Variants in SEPTIN9 observed in about 807,000 individuals in gnomAD.
The protein encoded by SEPTIN9 is septin 9.
Under a neutral mutation model 56.6 loss-of-function variants are expected in SEPTIN9, and 13 were observed. The ratio of observed to expected loss-of-function variants is 0.23; its 90% CI spans 0.15 to 0.37. The LOEUF is 0.37. SEPTIN9 is among the 10% of genes least tolerant of loss of function. The pLI is 1.00. For synonymous variants in SEPTIN9, 332 were observed against 334.1 expected, an observed-to-expected ratio of 0.99 and a Z score of 0.07; for missense variants, 650 against 823.1, an observed-to-expected ratio of 0.79 and a Z score of 2.57.
intron 3 of SEPTIN9, among the ~76,000 whole-genome samples, chr17:77,474,997 C>T (rs1197420757): frequency 6.6e-6 from 1 of 151,934 alleles, no homozygotes; most frequent in Non-Finnish European, 1.5e-5. Context: ...GTGAGACCCA[C>T]TCTCTAAAAA....
chr17:77,288,097 G>A (rs573274652), intron 1 of SEPTIN9: 1 of 1,064,092 alleles, frequency 9.4e-7, no homozygotes, highest in African/African-American at 1.6e-5. Context: ...CCCCTTTGGA[G>A]CGCTGGACTC....
intron 3 of SEPTIN9, among the ~76,000 whole-genome samples, chr17:77,452,600 C>G (rs199993327): frequency 6.6e-6 from 1 of 152,010 alleles, no homozygotes; most frequent in East Asian, 1.9e-4. Context: ...CAGGTCTGTT[C>G]GGGGCTGTGG....
At position 77,317,736 on chromosome 17, in the gene SEPTIN9, A is replaced by G. The variant is rs1001929969; in HGVS notation, c.76+10539A>G. On this transcript the variant is annotated intron_variant, in intron 2 of 11. Coordinates refer to ENST00000427177, the MANE Select transcript of SEPTIN9 (RefSeq NM_001113491.2). The surrounding 1 kb of genome is among the most constrained non-coding windows in gnomAD (Gnocchi z 4.2). Reference sequence around the variant, plus strand: ...TGCAGTGGCTCACACCTGTAATCCCAGAGTGAAACTCTGTCTCAAAAAATA... The same window carrying G: ...TGCAGTGGCTCACACCTGTAATCCCGGAGTGAAACTCTGTCTCAAAAAATA... 1.3e-5 allele frequency among the ~76,000 whole-genome samples: 2 copies of G among 152,210 alleles called. No individual in the cohort carries two copies. The highest frequency in any genetic ancestry group is 2.9e-5 in the Non-Finnish European group (2 of 68,030).
intron 2 of SEPTIN9, chr17:77,379,995 C>G (rs1473461164): frequency 6.4e-6 from 1 of 155,614 alleles, no homozygotes; most frequent in Non-Finnish European, 1.4e-5. Context: ...GAACACAGTC[C>G]CAGAAGTGGG....
intron 1 of SEPTIN9, among the ~76,000 whole-genome samples, chr17:77,287,032 G>T (rs769701281): frequency 6.6e-6 from 1 of 152,234 alleles, no homozygotes; most frequent in Admixed American, 6.5e-5. Flanking sequence ...AGCCCTCGGG[G>T]CTTGTACACA....
Position 77,482,280 on chromosome 17 carries a change from G to A in SEPTIN9, c.858G>A (p.Glu286=). 1 of 1,613,310 alleles carries A rather than the reference G, an allele frequency of 6.2e-7. No individual in the cohort carries two copies. The highest frequency in any genetic ancestry group is 8.5e-7 in the Non-Finnish European group (1 of 1,179,880). The part of the protein sequence containing the change: ...FGYVGIDSIL[E]QMRRKAMKQG... ...ACGTGGGGATTGACTCCATCCTGGA[G>A]CAGATGCGCCGGAAGGCCATGAAGC... is the stretch of plus-strand genomic sequence containing the variant. The change falls in exon 4 of 12, where the codon GAG becomes GAA. Residue 286 remains glutamate (E), a synonymous_variant. Coordinates refer to ENST00000427177, the MANE Select transcript of SEPTIN9 (RefSeq NM_001113491.2).
At chr17:77,349,278 A>G (rs1271900045) in intron 2 of SEPTIN9, among the ~76,000 whole-genome samples, 3 of 151,884 alleles carry the variant, frequency 2.0e-5, no homozygotes, top group Admixed American at 1.3e-4. Context: ...CATCATACCC[A>G]GCTAATTTTT....
intron 3 of SEPTIN9, among the ~76,000 whole-genome samples, chr17:77,428,599 C>T (rs574790297): frequency 3.3e-5 from 5 of 152,210 alleles, no homozygotes; most frequent in South Asian, 2.1e-4. Context: ...GTAGGCTGTG[C>T]GGCGGCATCC....
In SEPTIN9 at chr17:77,323,391, GGAGA is replaced by G. The variant is rs1488161126; in HGVS notation, c.76+16198_76+16201del. Among the ~76,000 whole-genome samples the G allele has an allele frequency of 2.0e-5, 3 of 152,180 alleles. No individual in the cohort carries two copies. Among genetic ancestry groups the G allele is most frequent in the Non-Finnish European group, 2.9e-5 (2 of 68,018 alleles). ...GTTCCAAGAGCTTGTATTTCAGCAG[GGAGA>G]GAGTCTCCAAGAAGGGAACTTTCCA... On this transcript the variant is annotated intron_variant, in intron 2 of 11. Transcript: ENST00000427177. The surrounding 1 kb of genome is among the most constrained non-coding windows in gnomAD (Gnocchi z 6.8).
At chr17:77,455,339 C>T (rs1377108865) in intron 3 of SEPTIN9, among the ~76,000 whole-genome samples, 2 of 152,192 alleles carry the variant, frequency 1.3e-5, no homozygotes, top group African/African-American at 4.8e-5. Flanking sequence ...CTCTCTGTCC[C>T]GTCGAGCCTG....
intron 2 of SEPTIN9, among the ~76,000 whole-genome samples, chr17:77,316,506 A>G (rs948105013): frequency 6.6e-6 from 1 of 152,168 alleles, no homozygotes; most frequent in African/African-American, 2.4e-5. Flanking sequence ...CGTCAAACCC[A>G]TAGTGTGCAC....
intron 2 of SEPTIN9, among the ~76,000 whole-genome samples, chr17:77,379,682 A>G (rs1187453300): frequency 6.6e-6 from 1 of 152,124 alleles, no homozygotes; most frequent in Non-Finnish European, 1.5e-5. Context: ...TCCCTTTGCC[A>G]GCCAGCCAAA....
At position 77,476,254 on chromosome 17, in the gene SEPTIN9, C is replaced by A. The variant is rs1205348361; in HGVS notation, c.722-5890C>A. Among the ~76,000 whole-genome samples the A allele has an allele frequency of 5.3e-5, 8 of 152,162 alleles. No individual in the cohort carries two copies. The highest frequency in any genetic ancestry group is 1.9e-4 in the African/African-American group (8 of 41,424). ...AAGCCTGCTGTGTCAAGCCCTCTCT[C>A]GGCACCAGGCCAGGTGGGCCAGGGT... On this transcript the variant is annotated intron_variant, in intron 3 of 11. Transcript: ENST00000427177. This position sits in a 1 kb window ranked among gnomAD's most constrained non-coding sequence, Gnocchi z 6.0.
At chr17:77,410,069 A>AG (rs143518946) in intron 3 of SEPTIN9, among the ~76,000 whole-genome samples, 361 of 152,192 alleles carry the variant, frequency 2.4e-3, no homozygotes, top group African/African-American at 7.9e-3. Context: ...CTTCAGTCCA[A>AG]GGGGGGCTCC....
chr17:77,460,628 G>A (rs1328211631), intron 3 of SEPTIN9, among the ~76,000 whole-genome samples: 1 of 152,108 alleles, frequency 6.6e-6, no homozygotes, highest in African/African-American at 2.4e-5. Context: ...AGGAAACCGC[G>A]GGGGCCACCC....
intron 2 of SEPTIN9, chr17:77,320,285 G>C (rs759666365): frequency 2.5e-6 from 4 of 1,611,854 alleles, no homozygotes; most frequent in African/African-American, 1.3e-5. Context: ...GCCTCTGAGC[G>C]GGACGCCGGG....
chr17:77,484,763 A>G (rs1170522840), intron 4 of SEPTIN9, among the ~76,000 whole-genome samples: 18 of 34,060 alleles, frequency 5.3e-4, no homozygotes, highest in Admixed American at 9.8e-4. Context: ...GATGGTGGTG[A>G]TGTGGGTGGT....
chr17:77,478,574 A>G (rs2039318107), intron 3 of SEPTIN9, among the ~76,000 whole-genome samples: 1 of 152,190 alleles, frequency 6.6e-6, no homozygotes, highest in South Asian at 2.1e-4. Context: ...TGGGAGGCCG[A>G]GGCGGGTGGA....
intron 1 of SEPTIN9, among the ~76,000 whole-genome samples, chr17:77,305,692 C>T (rs1260044432): frequency 6.6e-6 from 1 of 151,738 alleles, no homozygotes; most frequent in African/African-American, 2.4e-5. Context: ...GAAGGATACA[C>T]TGTGCTCATT....
Sources: gnomAD v4.1 joint callset for allele counts (sites outside exome capture counted in the v4.1 genomes callset) on GRCh38, gnomAD v4.1.1 for gene constraint, Gnocchi (gnomAD v3.1) non-coding constraint, MANE v1.5 for transcripts, NCBI Gene and HGNC (gene_info 2026-07-23, HGNC 2026-07-21) for gene names.